PLXNA4: variants seen among roughly 807,000 people sequenced by gnomAD.
PLXNA4 encodes the protein plexin-A4.
Under a neutral mutation model 191.8 loss-of-function variants are expected in PLXNA4, and 44 were observed. The ratio of observed to expected loss-of-function variants is 0.23; its 90% CI spans 0.18 to 0.29. The LOEUF is 0.29. Among genes scored for constraint, PLXNA4 ranks in the 10% least tolerant of loss-of-function variants. The probability of loss-of-function intolerance (pLI) is 1.00; values close to 1 mark genes in which losing one functional copy is unlikely to be tolerated. For missense variants in PLXNA4, 1,800 were observed against 2,488.8 expected, an observed-to-expected ratio of 0.72 and a Z score of 5.89; for synonymous variants, 1,082 against 1,009.5, an observed-to-expected ratio of 1.07 and a Z score of -1.36.
At chr7:132,626,678 G>A (rs2116873533) in intron 2 of PLXNA4, among the ~76,000 whole-genome samples, 1 of 152,292 alleles carries the variant, frequency 6.6e-6, no homozygotes, top group South Asian at 2.1e-4. Context: ...AGAACCATGA[G>A]CCAATTAAAC....
At chr7:132,399,432 G>A (rs1323388860) in intron 3 of PLXNA4, among the ~76,000 whole-genome samples, 1 of 152,188 alleles carries the variant, frequency 6.6e-6, no homozygotes, top group Non-Finnish European at 1.5e-5. Context: ...AAATGTGAAT[G>A]AAAGACTCTG....
intron 2 of PLXNA4, among the ~76,000 whole-genome samples, chr7:132,612,468 C>T (rs1296593362): frequency 6.6e-6 from 1 of 152,022 alleles, no homozygotes; most frequent in Non-Finnish European, 1.5e-5. Context: ...CAAGACCAGC[C>T]TGGCCAACAT....
intron 10 of PLXNA4, among the ~76,000 whole-genome samples, chr7:132,204,848 A>G (rs1033113106): frequency 1.3e-5 from 2 of 152,208 alleles, no homozygotes; most frequent in African/African-American, 2.4e-5. Flanking sequence ...TGCTCCCATG[A>G]GAACAGACTG....
intron 20 of PLXNA4, among the ~76,000 whole-genome samples, chr7:132,175,193 C>G (rs1174875094): frequency 6.6e-6 from 1 of 152,066 alleles, no homozygotes; most frequent in Non-Finnish European, 1.5e-5. Context: ...TGAGGCTGTC[C>G]ACAGATCTGT....
intron 23 of PLXNA4, among the ~76,000 whole-genome samples, chr7:132,164,833 C>T (rs1796055720): frequency 6.6e-6 from 1 of 151,988 alleles, no homozygotes; most frequent in Admixed American, 6.5e-5. Context: ...AAATAATGGG[C>T]AAATTGTTTT....
intron 3 of PLXNA4, among the ~76,000 whole-genome samples, chr7:132,305,183 T>A (rs980463645): frequency 1.3e-5 from 2 of 152,138 alleles, no homozygotes; most frequent in African/African-American, 4.8e-5. Flanking sequence ...GTGGTGGGCA[T>A]CTGGGGCTGG....
At chr7:132,635,847 T>C (rs1193897064) in intron 2 of PLXNA4, among the ~76,000 whole-genome samples, 3 of 152,200 alleles carry the variant, frequency 2.0e-5, no homozygotes, top group Non-Finnish European at 4.4e-5. Context: ...CGTTTAATAC[T>C]TAACAACACA....
rs1797681578 is a variant in PLXNA4, at chr7:132,489,202, C to T, written c.1371+90G>A. 6 of 1,393,882 alleles carry T rather than the reference C, an allele frequency of 4.3e-6. No individual in the cohort carries two copies. The African/African-American group carries it at 5.7e-5, about 13-fold the overall frequency. The allele number at this position is 1,393,882 out of a possible 1,614,324, so 86.3% of individuals were successfully genotyped here. Reference sequence around the variant, plus strand: ...AAATCTGTATCACCTGCCCACACGCCCAAGTTAGCAAAAAGATGTAAGATA... The same window carrying T: ...AAATCTGTATCACCTGCCCACACGCTCAAGTTAGCAAAAAGATGTAAGATA... On this transcript the variant is annotated intron_variant, in intron 3 of 31. Coordinates refer to ENST00000321063, the MANE Select transcript of PLXNA4 (RefSeq NM_020911.2).
intron 25 of PLXNA4, among the ~76,000 whole-genome samples, chr7:132,153,566 G>A (rs1304859606): frequency 6.6e-6 from 1 of 152,132 alleles, no homozygotes; most frequent in African/African-American, 2.4e-5. Flanking sequence ...GGAGAGGTAG[G>A]GGGACCCTGG....
chr7:132,191,789 T>TCTCTCTCTCTAG (rs1197717263), intron 14 of PLXNA4, among the ~76,000 whole-genome samples: 2 of 151,272 alleles, frequency 1.3e-5, no homozygotes, highest in Non-Finnish European at 2.9e-5. Flanking sequence ...TCTCTCTCTC[T>TCTCTCTCTCTAG]CTCTCTGTCT....
chr7:132,151,456 GAGGAGGAGGAGGAGA>G (rs1795626276), intron 25 of PLXNA4, among the ~76,000 whole-genome samples: 1 of 95,150 alleles, frequency 1.1e-5, no homozygotes, highest in Non-Finnish European at 2.1e-5. Context: ...GAAGAAGAAG[GAGGAGGAGGAGGAGA>G]AAGGAGGAGG....
At chr7:132,173,149 T>C (rs1474950623) in intron 21 of PLXNA4, among the ~76,000 whole-genome samples, 1 of 152,178 alleles carries the variant, frequency 6.6e-6, no homozygotes, top group African/African-American at 2.4e-5. Context: ...CTTGTCCCTC[T>C]TGTGTCTCAC....
At chr7:132,266,493 T>G (rs1799863704) in intron 4 of PLXNA4, 2 of 152,262 alleles carry the variant, frequency 1.3e-5, no homozygotes. Context: ...TTGAAACTCA[T>G]CAAATGTTTG....
upstream of PLXNA4, among the ~76,000 whole-genome samples, chr7:132,578,505 C>T (rs916982966): frequency 2.0e-4 from 30 of 152,192 alleles, no homozygotes; most frequent in Non-Finnish European, 3.2e-4. Context: ...GCTTAAATGC[C>T]TATACCTCCC....
chr7:132,305,610 C>T (rs761222687), intron 3 of PLXNA4, among the ~76,000 whole-genome samples: 11 of 152,192 alleles, frequency 7.2e-5, no homozygotes, highest in Admixed American at 3.3e-4. Flanking sequence ...AGCGTGGCCT[C>T]CGCAAAGGTC....
chr7:132,317,370 G>GTGTTGGGTTT (rs1217166145), intron 3 of PLXNA4, among the ~76,000 whole-genome samples: 7 of 151,754 alleles, frequency 4.6e-5, no homozygotes, highest in Admixed American at 1.3e-4. Context: ...GTGTTGGGTT[G>GTGTTGGGTTT]TATTGGATTG....
chr7:132,342,954 A>AAAG (rs909816130), intron 3 of PLXNA4, among the ~76,000 whole-genome samples: 2 of 151,304 alleles, frequency 1.3e-5, no homozygotes, highest in African/African-American at 4.9e-5. Flanking sequence ...CTCAAAAAAA[A>AAAG]AAAAAAAGAA....
At chr7:132,372,641 C>A (rs921979043) in intron 3 of PLXNA4, among the ~76,000 whole-genome samples, 1 of 152,214 alleles carries the variant, frequency 6.6e-6, no homozygotes, top group African/African-American at 2.4e-5. Flanking sequence ...CACTGGAAAC[C>A]AGCATGATGC....
At chr7:132,423,564 G>A (rs1408955222) in intron 3 of PLXNA4, among the ~76,000 whole-genome samples, 3 of 152,188 alleles carry the variant, frequency 2.0e-5, no homozygotes, top group Non-Finnish European at 4.4e-5. Context: ...CTTTTCTAGA[G>A]ATGGTCATGA....
Sources: allele counts gnomAD v4.1 joint callset (sites outside exome capture counted in the v4.1 genomes callset), GRCh38; gene constraint gnomAD v4.1.1; transcripts MANE v1.5; gene names NCBI Gene and HGNC (gene_info 2026-07-23, HGNC 2026-07-21).